Variants in KLRG1 observed in about 807,000 individuals in gnomAD.
KLRG1 encodes the protein killer cell lectin like receptor G1.
Under a neutral mutation model 21.8 loss-of-function variants are expected in KLRG1, and 16 were observed. The ratio of observed to expected loss-of-function variants is 0.73; its 90% CI spans 0.50 to 1.11. KLRG1 has a LOEUF of 1.11. Among genes scored for constraint, KLRG1 ranks in the 50% most tolerant of loss-of-function variants. The pLI, the probability that KLRG1 is intolerant of heterozygous loss-of-function variation, is 0.00. For missense variants in KLRG1, 173 were observed against 218.3 expected (o/e 0.79, Z 1.31); for synonymous variants, 69 against 75.9 (o/e 0.91, Z 0.47).
chr12:9,055,327 A>G, the KLRG1 span, among the ~76,000 whole-genome samples: 7 of 152,226 alleles, frequency 4.6e-5, no homozygotes, highest in Non-Finnish European at 1.0e-4. Context: ...GTTTCCACTC[A>G]GATATACTCT....
chr12:8,967,978 GGGAA>G (rs1249245704), intron 1 of KLRG1, among the ~76,000 whole-genome samples: 2 of 151,558 alleles, frequency 1.3e-5, no homozygotes, highest in Admixed American at 1.3e-4. Flanking sequence ...ATTAAGGAAA[GGGAA>G]GGAAGGAGGA....
At chr12:9,106,961 G>A in the KLRG1 span, among the ~76,000 whole-genome samples, 4 of 152,136 alleles carry the variant, frequency 2.6e-5, no homozygotes, top group African/African-American at 9.7e-5. Flanking sequence ...TCACATCGCG[G>A]GATTTAGGGT....
At chr12:9,168,720 A>G in the KLRG1 span, 1 of 638,656 alleles carries the variant, frequency 1.6e-6, no homozygotes, top group Non-Finnish European at 2.7e-6. Flanking sequence ...ATCACCAGCT[A>G]AGTCACCTCA....
At chr12:9,000,479 T>A (rs1947272846) in intron 3 of KLRG1, among the ~76,000 whole-genome samples, 1 of 152,194 alleles carries the variant, frequency 6.6e-6, no homozygotes, top group Non-Finnish European at 1.5e-5. Flanking sequence ...TTAAGTACAT[T>A]CACATTGTTG....
At chr12:9,212,582 A>T in the KLRG1 span, among the ~76,000 whole-genome samples, 1 of 152,224 alleles carries the variant, frequency 6.6e-6, no homozygotes, top group East Asian at 1.9e-4. Context: ...AGATAATAGG[A>T]CAAATGTTTT....
the KLRG1 span, chr12:9,154,573 G>A: frequency 6.4e-7 from 1 of 1,561,468 alleles, no homozygotes; most frequent in Non-Finnish European, 8.8e-7. Context: ...CCTCCCAATT[G>A]CCAAGTGAAC....
At chr12:9,145,708 G>A in the KLRG1 span, among the ~76,000 whole-genome samples, 1 of 152,062 alleles carries the variant, frequency 6.6e-6, no homozygotes. Flanking sequence ...ACTCTCTTTA[G>A]CATTTCTGGT....
the KLRG1 span, among the ~76,000 whole-genome samples, chr12:9,064,111 G>A: frequency 4.6e-5 from 7 of 152,240 alleles, no homozygotes; most frequent in East Asian, 1.3e-3. The surrounding 1 kb of genome is among the most constrained non-coding windows in gnomAD (Gnocchi z 4.0). Context: ...ACTTTCTCCT[G>A]GCCTTTTTGT....
intron 1 of KLRG1, among the ~76,000 whole-genome samples, chr12:8,975,769 C>T (rs1255376927): frequency 1.3e-5 from 2 of 152,116 alleles, no homozygotes; most frequent in Non-Finnish European, 2.9e-5. Flanking sequence ...GCCATGTTGG[C>T]CACACTGGTC....
At chr12:9,099,703 A>G in the KLRG1 span, among the ~76,000 whole-genome samples, 2 of 152,156 alleles carry the variant, frequency 1.3e-5, no homozygotes, top group African/African-American at 4.8e-5. Context: ...TACTCTGTTG[A>G]TTTTTCACCA....
At chr12:9,113,482 G>A in the KLRG1 span, 1 of 1,613,954 alleles carries the variant, frequency 6.2e-7, no homozygotes, top group Non-Finnish European at 8.5e-7. Flanking sequence ...TAGCTCAGAA[G>A]GACACAGCCC....
At chr12:9,072,720 A>T in the KLRG1 span, 1 of 1,614,100 alleles carries the variant, frequency 6.2e-7, no homozygotes, top group Non-Finnish European at 8.5e-7. Flanking sequence ...TGGCAATGAG[A>T]CCTGCTGCAG....
At chr12:9,038,001 G>A in the KLRG1 span, among the ~76,000 whole-genome samples, 1 of 152,206 alleles carries the variant, frequency 6.6e-6, no homozygotes, top group Admixed American at 6.5e-5. Flanking sequence ...GCTCATGCTT[G>A]TAATCCCAGT....
chr12:9,097,004 T>G, the KLRG1 span, among the ~76,000 whole-genome samples: 1 of 152,210 alleles, frequency 6.6e-6, no homozygotes, highest in Admixed American at 6.5e-5. Flanking sequence ...TTGAGAAGAG[T>G]TGGTGTTTTA....
At chr12:9,194,613 C>T in the KLRG1 span, among the ~76,000 whole-genome samples, 10 of 151,946 alleles carry the variant, frequency 6.6e-5, no homozygotes, top group South Asian at 8.3e-4. Context: ...TACAGGCGCC[C>T]GCCACCCCGC....
the KLRG1 span, among the ~76,000 whole-genome samples, chr12:9,046,466 T>C: frequency 6.6e-6 from 1 of 152,096 alleles, no homozygotes; most frequent in African/African-American, 2.4e-5. Context: ...ATGATCAAAC[T>C]GCAGAAAGTC....
At chr12:9,181,172 A>C in the KLRG1 span, 1 of 1,613,142 alleles carries the variant, frequency 6.2e-7, no homozygotes, top group South Asian at 1.1e-5. Context: ...TGTTTTCCCT[A>C]CTTCTGTGAT....
At chr12:8,951,211 G>T (rs1946197160) in intron 1 of KLRG1, among the ~76,000 whole-genome samples, 1 of 152,058 alleles carries the variant, frequency 6.6e-6, no homozygotes, top group Non-Finnish European at 1.5e-5. Context: ...TGTGGCTCAT[G>T]CCCGTAATCC....
At chr12:9,051,835 C>T in the KLRG1 span, among the ~76,000 whole-genome samples, 2 of 152,224 alleles carry the variant, frequency 1.3e-5, no homozygotes, top group African/African-American at 4.8e-5. Flanking sequence ...CAATTGAGAA[C>T]TGCTCTGTTT....
Sources: gnomAD v4.1 joint callset for allele counts (sites outside exome capture counted in the v4.1 genomes callset) on GRCh38, gnomAD v4.1.1 for gene constraint, Gnocchi (gnomAD v3.1) non-coding constraint, MANE v1.5 for transcripts, NCBI Gene and HGNC (gene_info 2026-07-23, HGNC 2026-07-21) for gene names.